NFIA: variants seen among roughly 807,000 people sequenced by gnomAD.
NFIA encodes the protein nuclear factor 1 A-type.
Under a neutral mutation model 62.8 loss-of-function variants are expected in NFIA, and 8 were observed. The ratio of observed to expected loss-of-function variants is 0.13; its 90% CI spans 0.07 to 0.23. NFIA has a LOEUF of 0.23. Among genes scored for constraint, NFIA ranks in the 10% least tolerant of loss-of-function variants. The pLI is 1.00. For synonymous variants in NFIA, 235 were observed against 238.1 expected (o/e 0.99, Z 0.12); for missense variants, 410 against 642.1 (o/e 0.64, Z 3.91).
chr1:61,415,771 G>C (rs2261787), intron 9 of NFIA, among the ~76,000 whole-genome samples: 115,403 of 152,120 alleles, frequency 0.76, 45,001 homozygotes, highest in East Asian at 0.98. Flanking sequence ...GTGTGATAAA[G>C]TTTATAACAC....
chr1:61,169,350 A>G (rs1649789344), intron 2 of NFIA, among the ~76,000 whole-genome samples: 1 of 152,038 alleles, frequency 6.6e-6, no homozygotes, highest in South Asian at 2.1e-4. Flanking sequence ...TGTTTCCAGG[A>G]CACTTCTCAC....
At chr1:61,260,919 A>G (rs988043715) in intron 2 of NFIA, among the ~76,000 whole-genome samples, 2 of 152,190 alleles carry the variant, frequency 1.3e-5, no homozygotes, top group African/African-American at 4.8e-5. Flanking sequence ...TGGTTGCTGA[A>G]TGATTTGTAA....
At chr1:61,309,656 C>G (rs1457670234) in intron 3 of NFIA, among the ~76,000 whole-genome samples, 1 of 152,140 alleles carries the variant, frequency 6.6e-6, no homozygotes, top group Non-Finnish European at 1.5e-5. Flanking sequence ...TCTGGGAGGC[C>G]AGGGTGGGTG....
In NFIA at chr1:61,456,789, T is replaced by A. The variant is rs1569933326; in HGVS notation, c.*1469T>A. ...AGTTTGCACCCCCAAACGTCCTGTATCTTATGAAAAAAAAAACAAAAAACA... is the reference window on the plus strand; with the variant it reads ...AGTTTGCACCCCCAAACGTCCTGTAACTTATGAAAAAAAAAACAAAAAACA... On this transcript the variant is annotated 3_prime_UTR_variant, in exon 11 of 11. Coordinates refer to ENST00000403491, the MANE Select transcript of NFIA (RefSeq NM_001134673.4). 1.5e-5 allele frequency: 2 copies of A among 132,936 alleles called. No homozygotes were observed. The highest frequency in any genetic ancestry group is 1.6e-5 in the Non-Finnish European group (1 of 63,602). 8.2% of individuals were successfully genotyped at this position (132,936 alleles called of 1,614,324 possible).
chr1:61,078,509 G>T (rs74086437), upstream of NFIA, among the ~76,000 whole-genome samples: 3 of 152,124 alleles, frequency 2.0e-5, no homozygotes, highest in Non-Finnish European at 2.9e-5. Context: ...AATATATTGC[G>T]TATTCAGCAT....
At chr1:61,160,578 C>T (rs1649124096) in intron 2 of NFIA, among the ~76,000 whole-genome samples, 1 of 152,266 alleles carries the variant, frequency 6.6e-6, no homozygotes, top group South Asian at 2.1e-4. Context: ...TTGCATTGAG[C>T]ATGTGGTAAG....
At chr1:61,195,652 C>T (rs1280738997) in intron 2 of NFIA, among the ~76,000 whole-genome samples, 2 of 152,044 alleles carry the variant, frequency 1.3e-5, no homozygotes, top group Non-Finnish European at 2.9e-5. Flanking sequence ...TTTTTATCCC[C>T]TTACAGTTTT....
At position 61,146,345 on chromosome 1, in the gene NFIA, G is replaced by T. The variant is rs138122576; in HGVS notation, c.559+57665G>T. ...TAGGATATAGACATCTTGGTGGTTG[G>T]TCATTGTTCGGCCGATCATACCTTG... is the stretch of plus-strand genomic sequence containing the variant. On this transcript the variant is annotated intron_variant, in intron 2 of 10. Transcript: ENST00000403491. Among the ~76,000 whole-genome samples the T allele has an allele frequency of 2.1e-4, 32 of 152,184 alleles. No homozygotes were observed. The East Asian group carries it at 4.9e-3, about 23-fold the overall frequency.
At chr1:61,414,363 C>T (rs1346249543) in intron 9 of NFIA, among the ~76,000 whole-genome samples, 1 of 152,150 alleles carries the variant, frequency 6.6e-6, no homozygotes, top group Non-Finnish European at 1.5e-5. Context: ...TCTTGTTAGC[C>T]AGATTGAGAA....
intron 10 of NFIA, among the ~76,000 whole-genome samples, chr1:61,450,415 C>T (rs1323321951): frequency 6.6e-6 from 1 of 152,104 alleles, no homozygotes; most frequent in Non-Finnish European, 1.5e-5. Flanking sequence ...CACAGAAGTG[C>T]GGGAAGCCAA....
chr1:61,334,960 T>A (rs1397816095), intron 4 of NFIA, among the ~76,000 whole-genome samples: 1 of 152,160 alleles, frequency 6.6e-6, no homozygotes, highest in African/African-American at 2.4e-5. Context: ...ATAGCTTGGC[T>A]GCCAAATGAA....
intron 3 of NFIA, among the ~76,000 whole-genome samples, chr1:61,328,636 C>A (rs892614706): frequency 1.3e-5 from 2 of 151,840 alleles, no homozygotes; most frequent in African/African-American, 4.8e-5. Context: ...TCAGGCTGGT[C>A]TCTAACTCCC....
In NFIA at chr1:61,100,647, C is replaced by T. The variant is rs569288082; in HGVS notation, c.559+11967C>T. Among the ~76,000 whole-genome samples the T allele has an allele frequency of 3.9e-5, 6 of 152,242 alleles. No individual in the cohort carries two copies. In the South Asian group the frequency reaches 1.2e-3, roughly 32 times the overall value. ...CTTGCTCTGTTGCCTAGCTGGAGTG[C>T]AGTGGTGCAGTCGTAGCTCACTGCT... is the stretch of plus-strand genomic sequence containing the variant. On this transcript the variant is annotated intron_variant, in intron 2 of 10. Coordinates refer to ENST00000403491, the MANE Select transcript of NFIA (RefSeq NM_001134673.4).
At chr1:61,417,634 G>A (rs1255926121) in intron 9 of NFIA, among the ~76,000 whole-genome samples, 2 of 151,946 alleles carry the variant, frequency 1.3e-5, no homozygotes, top group African/African-American at 2.4e-5. Context: ...AATTGTGTAC[G>A]AGTATGATCA....
intron 3 of NFIA, among the ~76,000 whole-genome samples, chr1:61,302,967 A>G (rs542751133): frequency 6.6e-6 from 1 of 152,320 alleles, no homozygotes; most frequent in East Asian, 1.9e-4. Flanking sequence ...ACTCCCAAAA[A>G]TGTTCTCCAC....
chr1:61,354,191 T>C (rs916553087), intron 5 of NFIA, among the ~76,000 whole-genome samples: 1 of 152,216 alleles, frequency 6.6e-6, no homozygotes, highest in Non-Finnish European at 1.5e-5. Context: ...CGTTCTCATA[T>C]TCTGCAAATA....
chr1:61,404,821 C>G (rs1416044723), intron 8 of NFIA, among the ~76,000 whole-genome samples: 1 of 152,184 alleles, frequency 6.6e-6, no homozygotes, highest in Admixed American at 6.5e-5. Flanking sequence ...TTATCTTTCC[C>G]ACTTATCTTG....
chr1:61,123,333 C>T (rs2100474592), intron 2 of NFIA, among the ~76,000 whole-genome samples: 1 of 152,318 alleles, frequency 6.6e-6, no homozygotes, highest in Non-Finnish European at 1.5e-5. Context: ...GAGAGACCTA[C>T]ACTGTGATTT....
At chr1:61,189,217 G>A (rs773581875) in intron 2 of NFIA, among the ~76,000 whole-genome samples, 1 of 152,168 alleles carries the variant, frequency 6.6e-6, no homozygotes, top group Non-Finnish European at 1.5e-5. Context: ...AAGCTAAGCA[G>A]ACAAGGACAA....
Sources: gnomAD v4.1 joint callset for allele counts (sites outside exome capture counted in the v4.1 genomes callset) on GRCh38, gnomAD v4.1.1 for gene constraint, MANE v1.5 for transcripts, NCBI Gene and HGNC (gene_info 2026-07-23, HGNC 2026-07-21) for gene names.